TRIM17: variants seen among roughly 807,000 people sequenced by gnomAD.
The protein encoded by TRIM17 is E3 ubiquitin-protein ligase TRIM17.
Under a neutral mutation model 35.8 loss-of-function variants are expected in TRIM17, and 27 were observed. That is an observed-to-expected ratio of 0.75 (90% CI 0.56 to 1.04). The LOEUF is 1.04. TRIM17 is among the 50% of genes least tolerant of loss of function. TRIM17 has a pLI of 0.00. For missense variants in TRIM17, 582 were observed against 612.8 expected (o/e 0.95, Z 0.53); for synonymous variants, 246 against 252.6 (o/e 0.97, Z 0.25).
At position 228,408,142 on chromosome 1, in the gene TRIM17, G is replaced by A. The variant is rs1656537813; in HGVS notation, c.*59C>T. 2 of 1,477,294 alleles carry A rather than the reference G, an allele frequency of 1.4e-6. No individual in the cohort carries two copies. Among genetic ancestry groups the A allele is most frequent in the Non-Finnish European group, 1.8e-6 (2 of 1,107,012 alleles). 91.5% of individuals were successfully genotyped at this position (1,477,294 alleles called of 1,614,324 possible). On this transcript the variant is annotated 3_prime_UTR_variant, in exon 7 of 7. Transcript: ENST00000366698. This position sits in a 1 kb window ranked among gnomAD's most constrained non-coding sequence, Gnocchi z 6.3. ...AACCCTGGCAGGTGGCCTGCAGTAA[G>A]CAGAAGGCCCACACCTTCTGCAGAG...
intron 3 of TRIM17, among the ~76,000 whole-genome samples, chr1:228,412,723 T>C (rs1033968718): frequency 9.9e-5 from 15 of 151,736 alleles, no homozygotes; most frequent in African/African-American, 3.6e-4. Context: ...TGAGCTATGA[T>C]TGCATCACTG....
chr1:228,415,515 C>T, intron 1 of TRIM17: 1 of 160,176 alleles, frequency 6.2e-6, no homozygotes, highest in South Asian at 1.9e-4. Context: ...CCCTTAATCA[C>T]TTTCCATCCA....
rs753597396 is a variant in TRIM17, at chr1:228,414,705, TC to T, written c.367del (p.Glu123SerfsTer22). On this transcript the variant is annotated frameshift_variant, in exon 2 of 7. Transcript: ENST00000366698. LOFTEE classifies it high-confidence loss of function. ...DQSPICVVCR[E>X]SREHRLHRVL... ...CCTGTGCAGCCGGTGCTCCCGGGAC[TC>T]CCTGCACACCACACAGATGGGGCTC... 1 of 1,612,192 alleles carries T rather than the reference TC, an allele frequency of 6.2e-7. No homozygotes were observed. The highest frequency in any genetic ancestry group is 1.7e-5 in the Admixed American group (1 of 60,028).
At position 228,414,982 on chromosome 1, in the gene TRIM17, A is replaced by G. The variant is rs1657013735; in HGVS notation, c.91T>C (p.Cys31Arg). 1.2e-6 allele frequency: 2 copies of G among 1,613,136 alleles called. No individual in the cohort carries two copies. The highest frequency in any genetic ancestry group is 2.7e-5 in the African/African-American group (2 of 74,934). Residue 31 changes from cysteine (C) to arginine (R), a missense_variant, in exon 2 of 7, where the codon TGT becomes CGT. Physicochemically the swap from Cys to Arg is radical, Grantham distance 180. Transcript: ENST00000366698. Reference protein sequence around the residue: ...DYFTDPVMTTCGHNFCRACIQ... With the variant: ...DYFTDPVMTTRGHNFCRACIQ... Reference sequence around the variant, plus strand: ...CAGGCTCGGCAGAAGTTGTGGCCACAGGTGGTCATCACAGGGTCTGTGAAG... The same window carrying G: ...CAGGCTCGGCAGAAGTTGTGGCCACGGGTGGTCATCACAGGGTCTGTGAAG...
At position 228,410,189 on chromosome 1, in the gene TRIM17, G is replaced by C. The variant is rs905607067; in HGVS notation, c.756+757C>G. ...TAGCTCACTACAGCCTTGAACTCACGGGCTCAAGCAGTCTTCCTGCCTCAG... is the reference window on the plus strand; with the variant it reads ...TAGCTCACTACAGCCTTGAACTCACCGGCTCAAGCAGTCTTCCTGCCTCAG... On this transcript the variant is annotated intron_variant, in intron 4 of 6. Transcript: ENST00000366698. The surrounding 1 kb of genome is among the most constrained non-coding windows in gnomAD (Gnocchi z 4.6). 6.6e-6 allele frequency among the ~76,000 whole-genome samples: 1 copy of C among 151,580 alleles called. No homozygotes were observed. Among genetic ancestry groups the C allele is most frequent in the Non-Finnish European group, 1.5e-5 (1 of 67,908 alleles).
chr1:228,408,412 G>C lies in TRIM17; in HGVS notation c.1223C>G (p.Pro408Arg), dbSNP rs144637468. The change falls in exon 7 of 7, where the codon CCG becomes CGG. Residue 408 changes from proline (P) to arginine (R), a missense_variant. By Grantham distance (103) the Pro-to-Arg change is moderately radical. Coordinates refer to ENST00000366698, the MANE Select transcript of TRIM17 (RefSeq NM_016102.4). This position sits in a 1 kb window ranked among gnomAD's most constrained non-coding sequence, Gnocchi z 6.3. ...KYLSTFSALT[P>R]VMLMEPPSHM... The stretch of plus-strand genomic sequence containing the variant: ...GCTGGGAGGCTCCATCAGCATGACC[G>C]GGGTTAGGGCAGAGAAGGTGGATAA... The C allele has an allele frequency of 4.3e-6, 7 of 1,614,188 alleles. No individual in the cohort carries two copies. Among genetic ancestry groups the C allele is most frequent in the Non-Finnish European group, 5.1e-6 (6 of 1,180,016 alleles).
In TRIM17 at chr1:228,414,700, G is replaced by A. The variant is rs548561364; in HGVS notation, c.373C>T (p.Arg125Trp). ...AGCACCCTGTGCAGCCGGTGCTCCC[G>A]GGACTCCCTGCACACCACACAGATG... ...SPICVVCRES[R>W]EHRLHRVLPA... is the part of the protein sequence containing the mutation. The change falls in exon 2 of 7, where the codon CGG becomes TGG. Residue 125 changes from arginine (R) to tryptophan (W), a missense_variant. Physicochemically the swap from Arg to Trp is moderately radical, Grantham distance 101. Coordinates refer to ENST00000366698, the MANE Select transcript of TRIM17 (RefSeq NM_016102.4). The A allele has an allele frequency of 1.1e-5, 18 of 1,612,080 alleles. No individual in the cohort carries two copies. The highest frequency in any genetic ancestry group is 2.2e-5 in the East Asian group (1 of 44,886).
chr1:228,415,398 A>C, intron 1 of TRIM17: 3 of 257,972 alleles, frequency 1.2e-5, no homozygotes, highest in Admixed American at 5.0e-5. Flanking sequence ...TCCACATCTC[A>C]TCAGCTCCTC....
In TRIM17 at chr1:228,414,806, C is replaced by T. The variant is rs1656995268; in HGVS notation, c.267G>A (p.Gln89=). Residue 89 remains glutamine, a synonymous_variant, in exon 2 of 7, where the codon CAG becomes CAA. Transcript: ENST00000366698. ...LLTKVAEMAQ[Q]HPGLQKQDLC... ...GGTCTTGCTTCTGCAGACCAGGATGCTGCTGCGCCATCTCGGCCACCTTGG... is the reference window on the plus strand; with the variant it reads ...GGTCTTGCTTCTGCAGACCAGGATGTTGCTGCGCCATCTCGGCCACCTTGG... The T allele has an allele frequency of 1.2e-6, 2 of 1,613,286 alleles. No individual in the cohort carries two copies. The highest frequency in any genetic ancestry group is 1.7e-6 in the Non-Finnish European group (2 of 1,180,050).
rs1656766686 is a variant in TRIM17, at chr1:228,411,164, C to T, written c.538G>A (p.Glu180Lys). The change falls in exon 4 of 7, where the codon GAG becomes AAG. Residue 180 changes from glutamate to lysine, a missense_variant. Glu to Lys is a moderately conservative substitution (Grantham distance 56). Coordinates refer to ENST00000366698, the MANE Select transcript of TRIM17 (RefSeq NM_016102.4). This position sits in a 1 kb window ranked among gnomAD's most constrained non-coding sequence, Gnocchi z 4.2. ...SLAEWQGKVK[E>K]RRERIVLEFE... ...TCCAGCACAATGCGTTCTCTCCGCT[C>T]CTTCACCTTGCCCTGCAGGAGTGGA... 2.5e-6 allele frequency: 4 copies of T among 1,610,244 alleles called. No homozygotes were observed. The highest frequency in any genetic ancestry group is 1.3e-5 in the African/African-American group (1 of 74,896).
In TRIM17 at chr1:228,410,344, C is replaced by T. The variant is rs937678932; in HGVS notation, c.756+602G>A. ...AGGGCCATGGCACACAGGCTGGTCC[C>T]GGCAGACAGGCTGGCTGCTTCACCT... On this transcript the variant is annotated intron_variant, in intron 4 of 6. Coordinates refer to ENST00000366698, the MANE Select transcript of TRIM17 (RefSeq NM_016102.4). The surrounding 1 kb of genome is among the most constrained non-coding windows in gnomAD (Gnocchi z 4.6). Among the ~76,000 whole-genome samples, 6 of 152,074 alleles carry T rather than the reference C, an allele frequency of 3.9e-5. No individual in the cohort carries two copies. The highest frequency in any genetic ancestry group is 4.2e-4 in the South Asian group (2 of 4,814).
At position 228,408,910 on chromosome 1, in the gene TRIM17, ACAC is replaced by A; in HGVS notation, c.884-162_884-160del. 6.8e-7 allele frequency: 1 copy of A among 1,480,762 alleles called. No individual in the cohort carries two copies. The highest frequency in any genetic ancestry group is 1.4e-5 in the South Asian group (1 of 71,978). 91.7% of individuals were successfully genotyped at this position (1,480,762 alleles called of 1,614,324 possible). ...ATCTGGGGTTACTTGATGCTTCCAC[ACAC>A]CAATTGTGTGTGGGCCTTGGTGGCA... On this transcript the variant is annotated intron_variant, in intron 6 of 6. Coordinates refer to ENST00000366698, the MANE Select transcript of TRIM17 (RefSeq NM_016102.4). The surrounding 1 kb of genome is among the most constrained non-coding windows in gnomAD (Gnocchi z 6.3).
In TRIM17 at chr1:228,410,640, A is replaced by C. The variant is rs954196976; in HGVS notation, c.756+306T>G. On this transcript the variant is annotated intron_variant, in intron 4 of 6. Transcript: ENST00000366698. This position sits in a 1 kb window ranked among gnomAD's most constrained non-coding sequence, Gnocchi z 4.6. ...CATCTTTAAGGAGGGAGTTGAGGTCACTGGGGTGGGCCCTAATCCAGTCTG... is the reference window on the plus strand; with the variant it reads ...CATCTTTAAGGAGGGAGTTGAGGTCCCTGGGGTGGGCCCTAATCCAGTCTG... Among the ~76,000 whole-genome samples the C allele has an allele frequency of 6.6e-6, 1 of 152,194 alleles. No homozygotes were observed. Among genetic ancestry groups the C allele is most frequent in the African/African-American group, 2.4e-5 (1 of 41,452 alleles).
chr1:228,416,248 C>T (rs1352686248), intron 1 of TRIM17: 3 of 786,668 alleles, frequency 3.8e-6, no homozygotes, highest in Non-Finnish European at 4.6e-6. Context: ...CGACTCCCCC[C>T]AAGAGCCCTA....
At chr1:228,415,304 T>C in intron 1 of TRIM17, 191 bp from the exon 2 acceptor site, 1 of 538,718 alleles carries the variant, frequency 1.9e-6, no homozygotes, top group East Asian at 3.1e-5. Flanking sequence ...CCCTGACCAA[T>C]GCTCTGCAGG....
rs756086450 is a variant in TRIM17, at chr1:228,409,203, G to A, written c.852C>T (p.Pro284=). 51 of 1,613,848 alleles carry A rather than the reference G, an allele frequency of 3.2e-5. No individual in the cohort carries two copies. Among genetic ancestry groups the A allele is most frequent in the African/African-American group, 6.7e-5 (5 of 74,848 alleles). ...AGCCTCTTAGCACTTCAATCTGTCCGGGAACTCTGCACACAGTCCTGGGTC... is the reference window on the plus strand; with the variant it reads ...AGCCTCTTAGCACTTCAATCTGTCCAGGAACTCTGCACACAGTCCTGGGTC... The part of the protein sequence containing the change: ...PTRPRTVCRV[P]GQIEVLRGFL... The change falls in exon 6 of 7, where the codon CCC becomes CCT. Residue 284 remains proline (P), a synonymous_variant. Transcript: ENST00000366698.
rs1350953718 is a variant in TRIM17, at chr1:228,410,160, G to A, written c.757-749C>T. ...ATCACCCAGGGTGGAGTGCAGTGGC[G>A]CAATAGCTCACTACAGCCTTGAACT... On this transcript the variant is annotated intron_variant, in intron 4 of 6. Transcript: ENST00000366698. The surrounding 1 kb of genome is among the most constrained non-coding windows in gnomAD (Gnocchi z 4.6). 1.3e-5 allele frequency among the ~76,000 whole-genome samples: 2 copies of A among 150,762 alleles called. No homozygotes were observed. The highest frequency in any genetic ancestry group is 2.4e-5 in the African/African-American group (1 of 40,860).
rs201722915 is a variant in TRIM17 at position 228,414,906 on chromosome 1, C to T, written c.167G>A (p.Arg56Gln). 4.0e-5 allele frequency: 65 copies of T among 1,613,576 alleles called. No homozygotes were observed. Among genetic ancestry groups the T allele is most frequent in the African/African-American group, 8.0e-5 (6 of 75,062 alleles). The change falls in exon 2 of 7, where the codon CGG becomes CAG. Residue 56 changes from arginine to glutamine, a missense_variant. By Grantham distance (43) the Arg-to-Gln change is conservative (BLOSUM62 1). Coordinates refer to ENST00000366698, the MANE Select transcript of TRIM17 (RefSeq NM_016102.4). ...KARGKKGRRK[R>Q]KGSFPCPECR... ...CTCGGGGCAGGGGAAGGAGCCCTTC[C>T]GCTTCCGCCTCCCCTTCTTGCCCCT...
Position 228,411,806 on chromosome 1 carries a change from A to AT in TRIM17, c.526-631dup, listed in dbSNP as rs571181845. Reference sequence around the variant, plus strand: ...CACCACCATGCCCAGCTAATTTTTAATTTTTTTGTAGAGACAGGGTCTTGC... The same window carrying AT: ...CACCACCATGCCCAGCTAATTTTTAATTTTTTTTGTAGAGACAGGGTCTTGC... On this transcript the variant is annotated intron_variant, in intron 3 of 6. Coordinates refer to ENST00000366698, the MANE Select transcript of TRIM17 (RefSeq NM_016102.4). This position sits in a 1 kb window ranked among gnomAD's most constrained non-coding sequence, Gnocchi z 4.2. 9.0e-4 allele frequency among the ~76,000 whole-genome samples: 135 copies of AT among 150,468 alleles called. 2 individuals are homozygous for AT. In the South Asian group the frequency reaches 0.028, roughly 31 times the overall value.
Sources: gnomAD v4.1 joint callset for allele counts (sites outside exome capture counted in the v4.1 genomes callset) on GRCh38, gnomAD v4.1.1 for gene constraint, Gnocchi (gnomAD v3.1) non-coding constraint, MANE v1.5 for transcripts, NCBI Gene and HGNC (gene_info 2026-07-23, HGNC 2026-07-21) for gene names.